The following CUL4A variants were observed in gnomAD, a reference collection of about 807,000 sequenced individuals.
The protein encoded by CUL4A is cullin 4A.
CUL4A carries 16 observed loss-of-function variants against 95.5 expected under a neutral mutation model. The observed-to-expected ratio is 0.17, with a 90% CI of 0.11 to 0.25. The LOEUF is 0.25. CUL4A is among the 10% of genes least tolerant of loss of function. The pLI is 1.00. For missense variants in CUL4A, 610 were observed against 937.0 expected, an observed-to-expected ratio of 0.65 and a Z score of 4.56; for synonymous variants, 380 against 353.1, an observed-to-expected ratio of 1.08 and a Z score of -0.85.
intron 2 of CUL4A, among the ~76,000 whole-genome samples, chr13:113,214,954 C>T (rs1595346026): frequency 6.6e-6 from 1 of 150,866 alleles, no homozygotes; most frequent in Non-Finnish European, 1.5e-5. Context: ...GTGGAGGTCA[C>T]GTCCCATGTG....
chr13:113,211,971 C>T (rs1252644450), intron 2 of CUL4A, among the ~76,000 whole-genome samples: 1 of 152,202 alleles, frequency 6.6e-6, no homozygotes, highest in Admixed American at 6.5e-5. Flanking sequence ...CACTCCGCCA[C>T]CAGCGTGTGG....
intron 15 of CUL4A, among the ~76,000 whole-genome samples, chr13:113,246,789 A>G (rs968156279): frequency 2.0e-5 from 3 of 152,358 alleles, no homozygotes; most frequent in Non-Finnish European, 4.4e-5. Context: ...TTATTTAATC[A>G]AAGTTTTATT....
chr13:113,228,711 G>T (rs555824035), intron 4 of CUL4A, among the ~76,000 whole-genome samples: 1 of 151,950 alleles, frequency 6.6e-6, no homozygotes, highest in Admixed American at 6.6e-5. Context: ...CACTCTGCTC[G>T]CAACGCAGAG....
intron 18 of CUL4A, 119 bp downstream of exon 18, chr13:113,255,244 C>T (rs943578694): frequency 4.4e-6 from 3 of 678,514 alleles, no homozygotes; most frequent in African/African-American, 1.8e-5. Flanking sequence ...TCCAATTTCA[C>T]TATGTAATGT....
intron 3 of CUL4A, among the ~76,000 whole-genome samples, chr13:113,227,472 C>T (rs780369841): frequency 8.5e-5 from 13 of 152,226 alleles, no homozygotes; most frequent in Non-Finnish European, 1.5e-4. Context: ...TGCCTCCTAA[C>T]ACCATTACCG....
intron 9 of CUL4A, among the ~76,000 whole-genome samples, chr13:113,238,955 CTTT>C (rs2041627234): frequency 6.6e-6 from 1 of 152,146 alleles, no homozygotes; most frequent in South Asian, 2.1e-4. Flanking sequence ...ACACTGAAAG[CTTT>C]TTTAAATGCT....
At position 113,244,446 on chromosome 13, in the gene CUL4A, A is replaced by G. The variant is rs1003432083; in HGVS notation, c.1265A>G (p.Lys422Arg). ...HVDSKLRAGN[K>R]EATDEELERT... Reference sequence around the variant, plus strand: ...GATTCAAAGTTAAGAGCAGGCAACAAAGAAGCCACAGACGAGGAGCTGGAG... The same window carrying G: ...GATTCAAAGTTAAGAGCAGGCAACAGAGAAGCCACAGACGAGGAGCTGGAG... Residue 422 changes from lysine (K) to arginine (R), a missense_variant, in exon 12 of 20, where the codon AAA (lysine) becomes AGA (arginine). Lys to Arg is a conservative substitution (Grantham distance 26). Transcript: ENST00000375440. 2 of 1,613,748 alleles carry G rather than the reference A, an allele frequency of 1.2e-6. No homozygotes were observed. Among genetic ancestry groups the G allele is most frequent in the Non-Finnish European group, 1.7e-6 (2 of 1,179,918 alleles).
chr13:113,241,509 A>G (rs908778083), intron 10 of CUL4A, among the ~76,000 whole-genome samples: 3 of 130,360 alleles, frequency 2.3e-5, no homozygotes, highest in African/African-American at 8.0e-5. Context: ...TTCTGTTGGC[A>G]TCTTTTTTTT....
chr13:113,228,875 C>T (rs1236897266), intron 4 of CUL4A, among the ~76,000 whole-genome samples: 1 of 151,992 alleles, frequency 6.6e-6, no homozygotes, highest in Non-Finnish European at 1.5e-5. Context: ...AATCCCAGCT[C>T]TTTGGGAGGC....
At chr13:113,237,087 C>G (rs1477654701) in intron 9 of CUL4A, among the ~76,000 whole-genome samples, 197 bp downstream of exon 9, 2 of 152,176 alleles carry the variant, frequency 1.3e-5, no homozygotes, top group African/African-American at 4.8e-5. Flanking sequence ...TGGAAGGCAC[C>G]TAGTGGAACT....
chr13:113,230,701 A>T (rs773197552), intron 5 of CUL4A, among the ~76,000 whole-genome samples: 1 of 152,196 alleles, frequency 6.6e-6, no homozygotes, highest in African/African-American at 2.4e-5. Context: ...TAAGGCACAT[A>T]AGTTAAAATA....
intron 3 of CUL4A, among the ~76,000 whole-genome samples, chr13:113,222,102 A>G (rs1352599232): frequency 6.6e-6 from 1 of 152,198 alleles, no homozygotes; most frequent in African/African-American, 2.4e-5. Context: ...AGAGCCAGGT[A>G]TGCTGCTGGG....
chr13:113,251,533 G>A (rs1328025202), intron 15 of CUL4A, among the ~76,000 whole-genome samples: 1 of 152,128 alleles, frequency 6.6e-6, no homozygotes, highest in African/African-American at 2.4e-5. Flanking sequence ...ACCACTGCTG[G>A]GGGAGGGCCC....
Position 113,239,469 on chromosome 13 carries a change from A to G in CUL4A, c.953A>G (p.Asp318Gly). 1 of 1,613,928 alleles carries G rather than the reference A, an allele frequency of 6.2e-7. No homozygotes were observed. Among genetic ancestry groups the G allele is most frequent in the Non-Finnish European group, 8.5e-7 (1 of 1,179,982 alleles). The change falls in exon 10 of 20, where the codon GAC becomes GGC. Residue 318 changes from aspartate (D) to glycine (G), a missense_variant. This residue lies in a region of CUL4A where 153 missense variants were observed against 244.5 expected (regional missense o/e 0.63). Coordinates refer to ENST00000375440, the MANE Select transcript of CUL4A (RefSeq NM_001008895.4). ...DHLLDENRVPDLAQMYQLFSR... is the reference protein window; with the variant it reads ...DHLLDENRVPGLAQMYQLFSR... ...TTACTGGATGAGAACAGAGTGCCGG[A>G]CCTCGCACAGATGTACCAGCTGTTC...
At chr13:113,241,424 G>T (rs1369241929) in intron 10 of CUL4A, among the ~76,000 whole-genome samples, 1 of 151,998 alleles carries the variant, frequency 6.6e-6, no homozygotes, top group African/African-American at 2.4e-5. Flanking sequence ...AGCACCAAAG[G>T]GTGTAGAGTA....
intron 3 of CUL4A, among the ~76,000 whole-genome samples, chr13:113,226,644 T>C (rs61967862): frequency 0.14 from 20,576 of 151,958 alleles, 1,806 homozygotes; most frequent in Middle Eastern, 0.29. Context: ...AAGGTAAGAG[T>C]GTTCCTAATT....
rs1307403177 is a variant in CUL4A, at chr13:113,233,281, G to T, written c.617G>T (p.Gly206Val). 2 of 1,613,758 alleles carry T rather than the reference G, an allele frequency of 1.2e-6. No homozygotes were observed. The highest frequency in any genetic ancestry group is 2.7e-5 in the African/African-American group (2 of 74,938). Residue 206 changes from glycine to valine, a missense_variant, in exon 6 of 20, where the codon GGC becomes GTC. By Grantham distance (109) the Gly-to-Val change is moderately radical. Around this residue, in one of 10 missense-constraint regions of CUL4A, gnomAD observed 97 missense variants for 100.3 expected, o/e 0.97. Transcript: ENST00000375440. Reference protein sequence around the residue: ...ILLLIERERSGEAVDRSLLRS... With the variant: ...ILLLIERERSVEAVDRSLLRS... ...CTGCTGATCGAGCGCGAGAGGAGCG[G>T]CGAGGCCGTGGACCGGAGCCTGTTG... is the stretch of plus-strand genomic sequence containing the variant.
chr13:113,218,291 G>A (rs1361373083), intron 2 of CUL4A, among the ~76,000 whole-genome samples: 1 of 152,076 alleles, frequency 6.6e-6, no homozygotes, highest in Non-Finnish European at 1.5e-5. Context: ...AAAAAAGAAA[G>A]TTTATTAATT....
chr13:113,230,440 A>C (rs34448227), intron 5 of CUL4A, among the ~76,000 whole-genome samples: 32,667 of 152,106 alleles, frequency 0.21, 4,012 homozygotes, highest in South Asian at 0.43. Context: ...AGCTCCCATT[A>C]ATGCCATTTG....
Sources: allele counts gnomAD v4.1 joint callset (sites outside exome capture counted in the v4.1 genomes callset), GRCh38; gene constraint gnomAD v4.1.1; regional missense constraint gnomAD v4.1.1; transcripts MANE v1.5; gene names NCBI Gene and HGNC (gene_info 2026-07-23, HGNC 2026-07-21).